BCKDHB: variants seen among roughly 807,000 people sequenced by gnomAD.
The protein encoded by BCKDHB is 2-oxoisovalerate dehydrogenase subunit beta, mitochondrial.
A neutral mutation model predicts 48.5 loss-of-function variants in BCKDHB; 41 were observed. That is an observed-to-expected ratio of 0.85 (90% CI 0.66 to 1.10). The LOEUF (loss-of-function observed/expected upper bound fraction) is 1.10. Ranked by LOEUF, BCKDHB falls within the 50% of genes least tolerant of loss-of-function variation. The pLI is 0.00. For missense variants in BCKDHB, 496 were observed against 494.2 expected (o/e 1.00, Z -0.03); for synonymous variants, 201 against 174.8 (o/e 1.15, Z -1.18).
chr6:80,450,623 CA>C, the BCKDHB span, among the ~76,000 whole-genome samples: 2 of 152,274 alleles, frequency 1.3e-5, no homozygotes, highest in African/African-American at 4.8e-5. Flanking sequence ...GGCAGATTAG[CA>C]CCCAAGGTGA....
intron 1 of BCKDHB, among the ~76,000 whole-genome samples, chr6:80,115,879 AC>A (rs372808671): frequency 3.0e-4 from 44 of 148,910 alleles, no homozygotes; most frequent in African/African-American, 8.7e-4. Flanking sequence ...CTCATGATCC[AC>A]CCCCCTCGGC....
intron 3 of BCKDHB, 62 bp from the exon 4 acceptor site, chr6:80,167,616 T>C (rs974814086): frequency 2.7e-6 from 4 of 1,472,472 alleles, no homozygotes; most frequent in South Asian, 1.1e-5. Flanking sequence ...AATTTTTAAA[T>C]GTATTATGCA....
At chr6:80,338,524 C>G (rs1445926506) in intron 9 of BCKDHB, among the ~76,000 whole-genome samples, 1 of 152,176 alleles carries the variant, frequency 6.6e-6, no homozygotes, top group African/African-American at 2.4e-5. Flanking sequence ...CTTCCTCATA[C>G]AGGCCTTACG....
At chr6:80,347,754 T>G (rs528396568), downstream of BCKDHB, among the ~76,000 whole-genome samples, 62 of 152,294 alleles carry the variant, frequency 4.1e-4, no homozygotes, top group African/African-American at 1.5e-3. Flanking sequence ...AAGTAAACAC[T>G]CCCTTTTCTT....
intron 9 of BCKDHB, among the ~76,000 whole-genome samples, chr6:80,291,446 C>CTAT (rs1218333193): frequency 6.6e-6 from 1 of 152,182 alleles, no homozygotes; most frequent in Non-Finnish European, 1.5e-5. Context: ...TTCAGTAAGA[C>CTAT]TATTCTGCAT....
At chr6:80,167,069 G>C (rs1772611595) in intron 3 of BCKDHB, among the ~76,000 whole-genome samples, 2 of 152,100 alleles carry the variant, frequency 1.3e-5, no homozygotes, top group South Asian at 4.1e-4. Flanking sequence ...CCCATTGTTA[G>C]ATAAGTATAG....
the BCKDHB span, among the ~76,000 whole-genome samples, chr6:80,410,824 A>T: frequency 0.053 from 8,035 of 152,164 alleles, 647 homozygotes; most frequent in African/African-American, 0.17. Context: ...TACACTGTTT[A>T]TTCTAGTTAG....
At chr6:80,419,561 G>A in the BCKDHB span, among the ~76,000 whole-genome samples, 5 of 152,156 alleles carry the variant, frequency 3.3e-5, no homozygotes, top group African/African-American at 1.2e-4. Flanking sequence ...CTTTATTACA[G>A]GCACTCCTAT....
chr6:80,444,546 A>G, the BCKDHB span, among the ~76,000 whole-genome samples: 1 of 152,186 alleles, frequency 6.6e-6, no homozygotes, highest in East Asian at 1.9e-4. Flanking sequence ...ATTTTCTAAT[A>G]ACTCATCTCT....
intron 9 of BCKDHB, among the ~76,000 whole-genome samples, chr6:80,324,154 A>G (rs533946652): frequency 6.6e-6 from 1 of 152,306 alleles, no homozygotes; most frequent in East Asian, 1.9e-4. Context: ...TCACTGAATT[A>G]AGTCATTCAG....
intron 3 of BCKDHB, among the ~76,000 whole-genome samples, chr6:80,147,455 T>C (rs1433621803): frequency 2.0e-5 from 3 of 152,338 alleles, no homozygotes; most frequent in African/African-American, 7.2e-5. Context: ...TTACAAATAA[T>C]TTAACCTTTG....
intron 7 of BCKDHB, among the ~76,000 whole-genome samples, chr6:80,202,566 TC>T (rs1471119065): frequency 6.6e-6 from 1 of 152,126 alleles, no homozygotes; most frequent in East Asian, 1.9e-4. Flanking sequence ...CAGCTCTTAT[TC>T]CTGCTATGGT....
chr6:80,440,580 C>T, the BCKDHB span: 1 of 151,566 alleles, frequency 6.6e-6, no homozygotes, highest in African/African-American at 2.4e-5. Context: ...TGTTTGTTAA[C>T]TAAAGATGTA....
At chr6:80,367,407 A>G in the BCKDHB span, among the ~76,000 whole-genome samples, 12 of 152,206 alleles carry the variant, frequency 7.9e-5, no homozygotes, top group African/African-American at 2.7e-4. Context: ...TTTATAGCTC[A>G]TACATATATA....
At chr6:80,140,981 C>A (rs1210210001) in intron 3 of BCKDHB, among the ~76,000 whole-genome samples, 8 of 152,070 alleles carry the variant, frequency 5.3e-5, no homozygotes, top group African/African-American at 7.2e-5. Context: ...ACAATTTCAG[C>A]TCCTGTTATT....
At chr6:80,282,805 C>A (rs1390521579) in intron 9 of BCKDHB, among the ~76,000 whole-genome samples, 2 of 152,076 alleles carry the variant, frequency 1.3e-5, no homozygotes, top group Non-Finnish European at 2.9e-5. Flanking sequence ...ACATACATGT[C>A]ACTTTTTTAA....
chr6:80,439,423 A>C, the BCKDHB span, among the ~76,000 whole-genome samples: 1 of 152,216 alleles, frequency 6.6e-6, no homozygotes, highest in East Asian at 1.9e-4. Context: ...AATTACATAG[A>C]AATTTTCTTC....
chr6:80,304,868 T>G (rs1399230883), intron 9 of BCKDHB, among the ~76,000 whole-genome samples: 1 of 152,106 alleles, frequency 6.6e-6, no homozygotes, highest in Non-Finnish European at 1.5e-5. Context: ...AGTACCAGCT[T>G]ATCATTAAAA....
At chr6:80,239,218 C>A (rs954197969) in intron 8 of BCKDHB, among the ~76,000 whole-genome samples, 1 of 152,192 alleles carries the variant, frequency 6.6e-6, no homozygotes, top group African/African-American at 2.4e-5. Context: ...CTCCCACCAA[C>A]AGTGTAAAAG....
Sources: gnomAD v4.1 joint callset for allele counts (sites outside exome capture counted in the v4.1 genomes callset) on GRCh38, gnomAD v4.1.1 for gene constraint, MANE v1.5 for transcripts, NCBI Gene and HGNC (gene_info 2026-07-23, HGNC 2026-07-21) for gene names.